ZDHHC20: variants seen among roughly 807,000 people sequenced by gnomAD.
ZDHHC20 encodes the protein palmitoyltransferase ZDHHC20.
Under a neutral mutation model 57.8 loss-of-function variants are expected in ZDHHC20, and 43 were observed. That is an observed-to-expected ratio of 0.74 (90% confidence interval 0.58 to 0.96). The LOEUF (loss-of-function observed/expected upper bound fraction) is 0.96, where lower values mean the gene tolerates loss of function less well. Among genes scored for constraint, ZDHHC20 ranks in the 40% least tolerant of loss-of-function variants. The probability of loss-of-function intolerance (pLI) is 0.00; values close to 1 mark genes in which losing one functional copy is unlikely to be tolerated. For missense variants in ZDHHC20, 391 were observed against 441.1 expected, an observed-to-expected ratio of 0.89 and a Z score of 1.02; for synonymous variants, 157 against 153.0, an observed-to-expected ratio of 1.03 and a Z score of -0.19.
chr13:21,407,983 G>A (rs902428021), intron 4 of ZDHHC20, among the ~76,000 whole-genome samples: 10 of 152,056 alleles, frequency 6.6e-5, no homozygotes, highest in African/African-American at 1.2e-4. Flanking sequence ...TCTATATATC[G>A]GTTTTGGCAC....
chr13:21,440,652 A>ATATATGTGTGTATATATATATGTGTG (rs754122040), intron 1 of ZDHHC20, among the ~76,000 whole-genome samples: 6 of 152,070 alleles, frequency 3.9e-5, no homozygotes, highest in African/African-American at 1.2e-4. Flanking sequence ...GTGTGTGTAT[A>ATATATGTGTGTATATATATATGTGTG]TATATATATG....
intron 7 of ZDHHC20, among the ~76,000 whole-genome samples, chr13:21,398,279 A>G (rs1331204070): frequency 1.3e-5 from 2 of 152,060 alleles, no homozygotes; most frequent in African/African-American, 4.8e-5. Flanking sequence ...CCTGGCTAAC[A>G]CGGTGAAACC....
At chr13:21,409,628 C>T (rs9506671) in intron 4 of ZDHHC20, among the ~76,000 whole-genome samples, 22,400 of 152,032 alleles carry the variant, frequency 0.15, 2,231 homozygotes, top group Non-Finnish European at 0.23. Context: ...TGCTTTATTT[C>T]ATCAAGTTGA....
chr13:21,393,099 T>C lies in ZDHHC20; in HGVS notation c.595-1245A>G, dbSNP rs186273643. Among the ~76,000 whole-genome samples, 43 of 152,262 alleles carry C rather than the reference T, an allele frequency of 2.8e-4. 1 individual carries two copies. In the East Asian group the frequency reaches 6.9e-3, roughly 25 times the overall value. On this transcript the variant is annotated intron_variant, in intron 7 of 12. Coordinates refer to ENST00000400590, the MANE Select transcript of ZDHHC20 (RefSeq NM_001330059.2). ...GAAAGAACACTAAGATGTTGCTTTC[T>C]AATGGCCATCTATAACATTTTCTCA...
intron 1 of ZDHHC20, among the ~76,000 whole-genome samples, chr13:21,430,949 A>C (rs1303750165): frequency 6.6e-6 from 1 of 152,196 alleles, no homozygotes; most frequent in Non-Finnish European, 1.5e-5. Flanking sequence ...ATCTTGTCTC[A>C]GAACTGGAAG....
At chr13:21,395,707 G>A (rs1438466439) in intron 7 of ZDHHC20, among the ~76,000 whole-genome samples, 1 of 147,374 alleles carries the variant, frequency 6.8e-6, no homozygotes, top group Non-Finnish European at 1.5e-5. Context: ...CACCATTGTT[G>A]GCCAGAATGG....
intron 1 of ZDHHC20, among the ~76,000 whole-genome samples, chr13:21,440,068 GAAAAAAAAAAAAAA>G (rs376263181): frequency 3.6e-4 from 32 of 89,788 alleles, no homozygotes; most frequent in African/African-American, 1.1e-3. Context: ...CTGTTTCTCA[GAAAAAAAAAAAAAA>G]AAAAAAAAAA....
chr13:21,409,573 C>T (rs1183377377), intron 4 of ZDHHC20, among the ~76,000 whole-genome samples: 1 of 152,058 alleles, frequency 6.6e-6, no homozygotes, highest in East Asian at 1.9e-4. Context: ...TTCTTGGAGG[C>T]TCTGTTCGTT....
rs1433704608 is a variant in ZDHHC20 at position 21,448,467 on chromosome 13, G to A, written c.118+10587C>T. ...GCCGCCCCGTCCGGGAAGGAGGTGG[G>A]GGGGGTCAGCCCCGCCGCCCGGCCA... is the stretch of plus-strand genomic sequence containing the variant. On this transcript the variant is annotated intron_variant, in intron 1 of 12. Coordinates refer to ENST00000400590, the MANE Select transcript of ZDHHC20 (RefSeq NM_001330059.2). Among the ~76,000 whole-genome samples, 8 of 101,914 alleles carry A rather than the reference G, an allele frequency of 7.8e-5. 1 individual carries two copies. The highest frequency in any genetic ancestry group is 2.5e-4 in the African/African-American group (8 of 32,040). The allele number at this position is 101,914 out of a possible 152,430, so 66.9% of individuals were successfully genotyped here.
chr13:21,397,920 T>C (rs1877055880), intron 7 of ZDHHC20, among the ~76,000 whole-genome samples: 1 of 152,144 alleles, frequency 6.6e-6, no homozygotes, highest in Admixed American at 6.5e-5. Context: ...CTAAACCATG[T>C]CTGTGATATT....
Position 21,387,505 on chromosome 13 carries a change from T to C in ZDHHC20, c.854+3A>G. ...TCTCTGAGACCCACATTTTATAAAT[T>C]ACCTTGAAAATATTGGAAGTAGCCA... is the stretch of plus-strand genomic sequence containing the variant. On this transcript the variant is annotated splice_donor_region_variant and intron_variant, in intron 9 of 12. Coordinates refer to ENST00000400590, the MANE Select transcript of ZDHHC20 (RefSeq NM_001330059.2). 1 of 1,507,582 alleles carries C rather than the reference T, an allele frequency of 6.6e-7. No individual in the cohort carries two copies. The highest frequency in any genetic ancestry group is 8.9e-7 in the Non-Finnish European group (1 of 1,125,636). 93.4% of individuals were successfully genotyped at this position (1,507,582 alleles called of 1,614,324 possible).
At chr13:21,442,521 A>G (rs1883280771) in intron 1 of ZDHHC20, among the ~76,000 whole-genome samples, 1 of 152,292 alleles carries the variant, frequency 6.6e-6, no homozygotes, top group East Asian at 1.9e-4. Flanking sequence ...TTGGGAGGCC[A>G]AGGCGGGTGG....
At chr13:21,413,017 T>C (rs976443226) in intron 4 of ZDHHC20, among the ~76,000 whole-genome samples, 14 of 118,408 alleles carry the variant, frequency 1.2e-4, no homozygotes, top group Non-Finnish European at 1.9e-5. Context: ...CAAAAAAAAA[T>C]TCTTTTAAAT....
At position 21,430,650 on chromosome 13, in the gene ZDHHC20, CTG is replaced by C. The variant is rs566778087; in HGVS notation, c.119-4974_119-4973del. 4.5e-4 allele frequency among the ~76,000 whole-genome samples: 68 copies of C among 152,200 alleles called. 1 individual carries two copies. The East Asian group carries it at 0.012, about 28-fold the overall frequency. ...AGGGCAGTTATTGTCTACAAGTTTTCTGTCTTACTAGGTTGTCCCTTTCCTGG... is the reference window on the plus strand; with the variant it reads ...AGGGCAGTTATTGTCTACAAGTTTTCTCTTACTAGGTTGTCCCTTTCCTGG... On this transcript the variant is annotated intron_variant, in intron 1 of 12. Transcript: ENST00000400590.
At chr13:21,431,195 T>C (rs532681687) in intron 1 of ZDHHC20, among the ~76,000 whole-genome samples, 4 of 152,336 alleles carry the variant, frequency 2.6e-5, no homozygotes, top group Non-Finnish European at 5.9e-5. Context: ...GGACTCACAG[T>C]TCCACATGGC....
chr13:21,421,636 C>T (rs1254649184), intron 2 of ZDHHC20, among the ~76,000 whole-genome samples: 1 of 152,108 alleles, frequency 6.6e-6, no homozygotes, highest in Non-Finnish European at 1.5e-5. Context: ...GAAAAAGTGA[C>T]CTAAATTTCA....
intron 10 of ZDHHC20, 134 bp downstream of exon 10, chr13:21,382,786 A>T (rs1012212953): frequency 1.4e-6 from 1 of 700,358 alleles, no homozygotes; most frequent in Admixed American, 3.3e-5. Context: ...AGTTAAAAAA[A>T]TTTAAATTTC....
intron 4 of ZDHHC20, among the ~76,000 whole-genome samples, chr13:21,407,978 A>G (rs1299686330): frequency 2.0e-5 from 3 of 152,108 alleles, no homozygotes; most frequent in African/African-American, 7.2e-5. Flanking sequence ...ATTGGTCTAT[A>G]TATCGGTTTT....
In ZDHHC20 at chr13:21,438,346, CA is replaced by C. The variant is rs140805366; in HGVS notation, c.119-12669del. Reference sequence around the variant, plus strand: ...ACACTCGTTTTTCATGGGAGGAGGTCAAAATATCAACATTAACAGGACTACA... The same window carrying C: ...ACACTCGTTTTTCATGGGAGGAGGTCAAATATCAACATTAACAGGACTACA... On this transcript the variant is annotated intron_variant, in intron 1 of 12. Transcript: ENST00000400590. 9.5e-3 allele frequency among the ~76,000 whole-genome samples: 1,450 copies of C among 152,248 alleles called. 15 individuals carry two copies. The highest frequency in any genetic ancestry group is 0.013 in the Non-Finnish European group (876 of 68,024).
Sources: gnomAD v4.1 joint callset for allele counts (sites outside exome capture counted in the v4.1 genomes callset) on GRCh38, gnomAD v4.1.1 for gene constraint, MANE v1.5 for transcripts, NCBI Gene and HGNC (gene_info 2026-07-23, HGNC 2026-07-21) for gene names.